SORCS3: variants seen among roughly 807,000 people sequenced by gnomAD.
SORCS3 encodes sortilin related VPS10 domain containing receptor 3, also known as VPS10 domain-containing receptor SorCS3.
Under a neutral mutation model 146.3 loss-of-function variants are expected in SORCS3, and 57 were observed. The ratio of observed to expected loss-of-function variants is 0.39; its 90% CI spans 0.31 to 0.49. The LOEUF (loss-of-function observed/expected upper bound fraction) is 0.49. SORCS3 is among the 20% of genes least tolerant of loss of function. The pLI is 0.92. For synonymous variants in SORCS3, 653 were observed against 618.5 expected (o/e 1.06, Z -0.83); for missense variants, 1,341 against 1,575.5 (o/e 0.85, Z 2.52).
chr10:104,902,802 C>T (rs941118001), intron 2 of SORCS3, among the ~76,000 whole-genome samples: 11 of 152,146 alleles, frequency 7.2e-5, no homozygotes, highest in African/African-American at 2.2e-4. Context: ...AACTATTATG[C>T]CCATGTTAGA....
At chr10:105,120,682 A>G (rs1050346537) in intron 7 of SORCS3, among the ~76,000 whole-genome samples, 2 of 152,230 alleles carry the variant, frequency 1.3e-5, no homozygotes, top group African/African-American at 4.8e-5. Flanking sequence ...TCAATTTGGC[A>G]AAGAATATTT....
At chr10:105,157,357 T>C in intron 10 of SORCS3, 73 bp downstream of exon 10, 1 of 1,577,652 alleles carries the variant, frequency 6.3e-7, no homozygotes, top group Non-Finnish European at 8.6e-7. Flanking sequence ...GAGGGCTTTG[T>C]TTCGTCAAAG....
intron 1 of SORCS3, among the ~76,000 whole-genome samples, chr10:104,818,529 T>C (rs1027362929): frequency 2.6e-5 from 4 of 151,926 alleles, no homozygotes; most frequent in Non-Finnish European, 5.9e-5. Flanking sequence ...AGAAGAGATA[T>C]GAAGAGGGTC....
Position 104,673,622 on chromosome 10 carries a change from A to T in SORCS3, c.627+31668A>T, listed in dbSNP as rs189063406. Among the ~76,000 whole-genome samples, 704 of 150,800 alleles carry T rather than the reference A, an allele frequency of 4.7e-3. 3 individuals carry two copies. Among genetic ancestry groups the T allele is most frequent in the African/African-American group, 0.016 (647 of 41,062 alleles). On this transcript the variant is annotated intron_variant, in intron 1 of 26. Transcript: ENST00000369701. ...GCCACCATGCCCAGCTAATTTTTAA[A>T]TTTTTTTTTGGTAGAGACAGGGTCT... is the stretch of plus-strand genomic sequence containing the variant.
intron 2 of SORCS3, among the ~76,000 whole-genome samples, chr10:104,867,944 A>G (rs1029813946): frequency 1.3e-5 from 2 of 152,216 alleles, no homozygotes; most frequent in Non-Finnish European, 2.9e-5. Context: ...CAGCCATCAA[A>G]TGCAGCACTA....
chr10:105,249,415 C>G (rs2056886177), intron 22 of SORCS3, among the ~76,000 whole-genome samples: 1 of 152,120 alleles, frequency 6.6e-6, no homozygotes, highest in Non-Finnish European at 1.5e-5. Flanking sequence ...AGACACACTG[C>G]TGGTGGTTCC....
intron 1 of SORCS3, chr10:104,665,386 C>G (rs1049175251): frequency 6.6e-6 from 1 of 152,202 alleles, no homozygotes; most frequent in African/African-American, 2.4e-5. Context: ...CACGGGCTCC[C>G]AGAGCCTCCT....
chr10:104,856,156 T>A (rs754602687), intron 2 of SORCS3, among the ~76,000 whole-genome samples: 23 of 152,138 alleles, frequency 1.5e-4, no homozygotes, highest in Non-Finnish European at 3.4e-4. Context: ...ACTCAGACCC[T>A]GTATTAGTAT....
intron 2 of SORCS3, among the ~76,000 whole-genome samples, chr10:104,906,874 C>A (rs1416552016): frequency 2.6e-5 from 4 of 152,194 alleles, no homozygotes; most frequent in African/African-American, 9.7e-5. Flanking sequence ...CAAGTAAATT[C>A]AAGTGCTTCT....
chr10:104,737,428 T>C (rs1181723697), intron 1 of SORCS3, among the ~76,000 whole-genome samples: 1 of 152,182 alleles, frequency 6.6e-6, no homozygotes, highest in Non-Finnish European at 1.5e-5. Flanking sequence ...CTCCACATCC[T>C]CTCCAGCACC....
At chr10:104,840,162 G>T (rs2018121420) in intron 1 of SORCS3, among the ~76,000 whole-genome samples, 1 of 152,174 alleles carries the variant, frequency 6.6e-6, no homozygotes, top group South Asian at 2.1e-4. Context: ...GCTTCCTGCA[G>T]GTGGAGATCT....
At chr10:104,897,818 T>C (rs1211830580) in intron 2 of SORCS3, among the ~76,000 whole-genome samples, 2 of 152,188 alleles carry the variant, frequency 1.3e-5, no homozygotes, top group African/African-American at 4.8e-5. Flanking sequence ...TGGTCGCTAA[T>C]GAGTTGAATG....
At chr10:104,805,595 T>C (rs1433717178) in intron 1 of SORCS3, among the ~76,000 whole-genome samples, 1 of 152,050 alleles carries the variant, frequency 6.6e-6, no homozygotes, top group African/African-American at 2.4e-5. Context: ...TTCCAAGTGG[T>C]GTGTGATAGA....
At chr10:104,693,029 AC>A (rs1183738590) in intron 1 of SORCS3, among the ~76,000 whole-genome samples, 2 of 152,164 alleles carry the variant, frequency 1.3e-5, no homozygotes, top group African/African-American at 4.8e-5. Flanking sequence ...ACACTAGTCT[AC>A]CCCAGGGGCA....
intron 3 of SORCS3, among the ~76,000 whole-genome samples, chr10:104,931,049 C>G (rs2019201270): frequency 6.6e-6 from 1 of 152,154 alleles, no homozygotes. Context: ...GACACTCAGC[C>G]TGGGCAATTA....
intron 4 of SORCS3, among the ~76,000 whole-genome samples, chr10:105,027,815 C>A (rs2055240640): frequency 6.6e-6 from 1 of 152,138 alleles, no homozygotes; most frequent in African/African-American, 2.4e-5. Context: ...TCCTAGTGCT[C>A]CTGAGCACAA....
intron 2 of SORCS3, among the ~76,000 whole-genome samples, chr10:104,846,067 G>T (rs536258811): frequency 2.0e-5 from 3 of 152,208 alleles, no homozygotes; most frequent in African/African-American, 7.2e-5. Context: ...GAATATTATG[G>T]GTTTTCCGTG....
chr10:104,906,852 A>T (rs1018412167), intron 2 of SORCS3, among the ~76,000 whole-genome samples: 2 of 152,214 alleles, frequency 1.3e-5, no homozygotes, highest in East Asian at 1.9e-4. Context: ...GTTTGAAAAC[A>T]TCTCAACATT....
chr10:104,676,534 T>A (rs2015915235), intron 1 of SORCS3, among the ~76,000 whole-genome samples: 1 of 152,092 alleles, frequency 6.6e-6, no homozygotes, highest in South Asian at 2.1e-4. Flanking sequence ...AATAAAAGAA[T>A]TTTTGGGGTG....
Sources: gnomAD v4.1 joint callset for allele counts (sites outside exome capture counted in the v4.1 genomes callset) on GRCh38, gnomAD v4.1.1 for gene constraint, MANE v1.5 for transcripts, NCBI Gene and HGNC (gene_info 2026-07-23, HGNC 2026-07-21) for gene names.